The following LRRC63 variants were observed in gnomAD, a reference collection of about 807,000 sequenced individuals.
LRRC63 encodes leucine rich repeat containing 63.
In LRRC63, 40 loss-of-function variants were observed where a neutral mutation model predicts 49.5. That is an observed-to-expected ratio of 0.81 (90% confidence interval 0.63 to 1.05). The LOEUF is 1.05. LRRC63 is among the 50% of genes least tolerant of loss of function. The pLI, the probability that LRRC63 is intolerant of heterozygous loss-of-function variation, is 0.00. For missense variants in LRRC63, 636 were observed against 663.1 expected (o/e 0.96, Z 0.45); for synonymous variants, 191 against 221.1 (o/e 0.86, Z 1.21).
At chr13:46,251,539 G>C (rs1018626651) in intron 7 of LRRC63, among the ~76,000 whole-genome samples, 12 of 151,734 alleles carry the variant, frequency 7.9e-5, no homozygotes, top group Non-Finnish European at 1.5e-4. Context: ...CCTTTTATTA[G>C]AAAATAGTGT....
intron 2 of LRRC63, among the ~76,000 whole-genome samples, chr13:46,221,167 G>C (rs2046396430): frequency 6.6e-6 from 1 of 152,180 alleles, no homozygotes; most frequent in African/African-American, 2.4e-5. Context: ...TGAATGAATT[G>C]ATGAGAACAA....
intron 9 of LRRC63, among the ~76,000 whole-genome samples, chr13:46,273,672 G>A (rs2047791271): frequency 6.6e-6 from 1 of 151,808 alleles, no homozygotes; most frequent in African/African-American, 2.4e-5. Flanking sequence ...CAACACTTTG[G>A]GAGGTGGAAG....
At chr13:46,270,856 G>A (rs1427022524) in intron 9 of LRRC63, among the ~76,000 whole-genome samples, 1 of 152,082 alleles carries the variant, frequency 6.6e-6, no homozygotes, top group Non-Finnish European at 1.5e-5. Flanking sequence ...CTGTTCTCTT[G>A]CATCTCTCTA....
intron 5 of LRRC63, among the ~76,000 whole-genome samples, chr13:46,238,097 G>T (rs1171956780): frequency 6.6e-6 from 1 of 152,072 alleles, no homozygotes; most frequent in Non-Finnish European, 1.5e-5. Flanking sequence ...TCAACAAGAA[G>T]ACATAACTAT....
At chr13:46,231,600 G>T (rs1051720585) in intron 4 of LRRC63, among the ~76,000 whole-genome samples, 2 of 151,514 alleles carry the variant, frequency 1.3e-5, no homozygotes, top group African/African-American at 4.9e-5. Context: ...ACCTCCGCCT[G>T]CCAGGTTCAA....
intron 9 of LRRC63, among the ~76,000 whole-genome samples, chr13:46,268,994 A>T (rs1389973302): frequency 6.6e-6 from 1 of 152,146 alleles, no homozygotes; most frequent in Admixed American, 6.5e-5. Flanking sequence ...AAAAAGCTGA[A>T]GCTTTATAGA....
chr13:46,223,506 A>G (rs1431786175), intron 2 of LRRC63, among the ~76,000 whole-genome samples: 1 of 138,172 alleles, frequency 7.2e-6, no homozygotes, highest in Admixed American at 7.4e-5. Context: ...TTTTAATTTC[A>G]GCACTTTGAA....
intron 2 of LRRC63, among the ~76,000 whole-genome samples, chr13:46,217,808 C>T (rs934212232): frequency 6.6e-6 from 1 of 152,150 alleles, no homozygotes; most frequent in Non-Finnish European, 1.5e-5. Flanking sequence ...TACATTGTGT[C>T]TTCGTTCTCA....
intron 9 of LRRC63, among the ~76,000 whole-genome samples, chr13:46,273,142 G>C (rs922185673): frequency 6.6e-6 from 1 of 152,180 alleles, no homozygotes; most frequent in Admixed American, 6.5e-5. Context: ...TGGGGACATA[G>C]GGGAAAGATT....
chr13:46,265,305 C>G (rs1279870367), intron 8 of LRRC63, among the ~76,000 whole-genome samples: 1 of 152,202 alleles, frequency 6.6e-6, no homozygotes, highest in Admixed American at 6.5e-5. Context: ...GGTGAACCTT[C>G]ACTAGCATTT....
At chr13:46,212,926 G>C in intron 1 of LRRC63, 76 bp from the exon 2 acceptor site, 1 of 718,820 alleles carries the variant, frequency 1.4e-6, no homozygotes, top group Non-Finnish European at 2.3e-6. Flanking sequence ...TTTTCTTTAA[G>C]ATGTAATCTA....
intron 9 of LRRC63, among the ~76,000 whole-genome samples, chr13:46,268,443 A>AAG (rs2047710974): frequency 6.6e-6 from 1 of 152,198 alleles, no homozygotes; most frequent in Non-Finnish European, 1.5e-5. Flanking sequence ...ATGAATTCGC[A>AAG]GACATCATCG....
At chr13:46,274,155 G>A (rs1440442363) in intron 9 of LRRC63, among the ~76,000 whole-genome samples, 1 of 152,052 alleles carries the variant, frequency 6.6e-6, no homozygotes, top group Non-Finnish European at 1.5e-5. Flanking sequence ...TTGATCCAAA[G>A]TAATAAGTAT....
At chr13:46,249,413 A>C (rs892184163) in intron 6 of LRRC63, among the ~76,000 whole-genome samples, 1 of 151,898 alleles carries the variant, frequency 6.6e-6, no homozygotes, top group African/African-American at 2.4e-5. Context: ...CAGAAGACTT[A>C]TGTTACTAAA....
At chr13:46,215,777 T>C (rs1413513456) in intron 2 of LRRC63, among the ~76,000 whole-genome samples, 1 of 152,222 alleles carries the variant, frequency 6.6e-6, no homozygotes, top group Non-Finnish European at 1.5e-5. Flanking sequence ...TTAATCCATC[T>C]TGAGTTAATT....
chr13:46,227,492 C>A lies in LRRC63; in HGVS notation c.86-20C>A. 1 of 1,399,692 alleles carries A rather than the reference C, an allele frequency of 7.1e-7. No homozygotes were observed. The highest frequency in any genetic ancestry group is 1.5e-5 in the African/African-American group (1 of 68,592). The allele number at this position is 1,399,692 out of a possible 1,614,324, so 86.7% of individuals were successfully genotyped here. A position where few individuals can be genotyped will look rare whatever the true frequency, so the allele number is the denominator to read the frequency against. The stretch of plus-strand genomic sequence containing the variant: ...TATTGATAAATATAATTTAATTTTT[C>A]TTTTTTTCTTTTGGTTTAGCTAAAA... On this transcript the variant is annotated intron_variant, in intron 2 of 9. Transcript: ENST00000595396.
At chr13:46,236,742 T>G (rs1222189179) in intron 5 of LRRC63, among the ~76,000 whole-genome samples, 1 of 152,142 alleles carries the variant, frequency 6.6e-6, no homozygotes, top group African/African-American at 2.4e-5. Context: ...AATAAAGAAC[T>G]CTGATGAAGG....
exon 9 of LRRC63, chr13:46,266,753 T>C (rs1440565832): frequency 6.5e-7 from 1 of 1,547,652 alleles, no homozygotes; most frequent in African/African-American, 1.4e-5. Flanking sequence ...AAACTGACTG[T>C]TGATGGGAAT....
intron 9 of LRRC63, among the ~76,000 whole-genome samples, chr13:46,274,436 T>G (rs931091778): frequency 6.6e-6 from 1 of 152,222 alleles, no homozygotes; most frequent in African/African-American, 2.4e-5. Flanking sequence ...TTCTTTGGAT[T>G]GCAGCTCAGC....
Sources: allele counts gnomAD v4.1 joint callset (sites outside exome capture counted in the v4.1 genomes callset), GRCh38; gene constraint gnomAD v4.1.1; transcripts MANE v1.5; gene names NCBI Gene and HGNC (gene_info 2026-07-23, HGNC 2026-07-21).